PGBD5: variants seen among roughly 807,000 people sequenced by gnomAD.
PGBD5 encodes the protein piggyBac transposable element derived 5, also known as piggyBac transposable element-derived protein 5.
A neutral mutation model predicts 47.9 loss-of-function variants in PGBD5; 14 were observed. The ratio of observed to expected loss-of-function variants is 0.29; its 90% CI spans 0.19 to 0.46. The LOEUF is 0.46. Ranked by LOEUF, PGBD5 falls within the 20% of genes least tolerant of loss-of-function variation. PGBD5 has a pLI of 1.00. For synonymous variants in PGBD5, 316 were observed against 306.3 expected (o/e 1.03, Z -0.33); for missense variants, 635 against 716.0 (o/e 0.89, Z 1.29).
chr1:230,350,622 C>T (rs544773534), intron 3 of PGBD5, among the ~76,000 whole-genome samples: 15 of 152,314 alleles, frequency 9.8e-5, no homozygotes, highest in African/African-American at 3.6e-4. Context: ...ATGGTAGAAA[C>T]CTCGTATGAC....
At chr1:230,330,982 C>T (rs534050631) in intron 5 of PGBD5, among the ~76,000 whole-genome samples, 1 of 152,286 alleles carries the variant, frequency 6.6e-6, no homozygotes, top group South Asian at 2.1e-4. Flanking sequence ...AGCCTTTTAA[C>T]ATTTGTCATC....
intron 1 of PGBD5, among the ~76,000 whole-genome samples, chr1:230,393,741 C>T (rs531970594): frequency 1.3e-5 from 2 of 148,762 alleles, no homozygotes; most frequent in East Asian, 4.1e-4. Flanking sequence ...AGGAGAATGG[C>T]GTGAACCCGG....
intron 1 of PGBD5, among the ~76,000 whole-genome samples, chr1:230,395,141 C>T (rs1199423936): frequency 7.6e-5 from 4 of 52,446 alleles, no homozygotes; most frequent in Non-Finnish European, 1.2e-4. Context: ...TCCCCATCCC[C>T]GAGCTCCTCT....
chr1:230,362,338 C>T (rs370305445), intron 1 of PGBD5: 1,047 of 1,367,538 alleles, frequency 7.7e-4, no homozygotes, highest in East Asian at 8.6e-4. Flanking sequence ...ATAGGGCGGC[C>T]GAGGCGTCGA....
chr1:230,399,356 C>T (rs772745548), intron 1 of PGBD5, among the ~76,000 whole-genome samples: 4 of 152,132 alleles, frequency 2.6e-5, no homozygotes, highest in Non-Finnish European at 5.9e-5. Context: ...TCAGGGAGTC[C>T]GTTCTCCCAC....
chr1:230,379,859 T>C (rs1207796874), intron 1 of PGBD5, among the ~76,000 whole-genome samples: 2 of 152,238 alleles, frequency 1.3e-5, no homozygotes, highest in Admixed American at 6.5e-5. Context: ...TGAAATCTTA[T>C]CATCATCCCC....
intron 1 of PGBD5, among the ~76,000 whole-genome samples, chr1:230,378,118 G>T (rs541390695): frequency 6.6e-6 from 1 of 152,360 alleles, no homozygotes; most frequent in African/African-American, 2.4e-5. Context: ...AGCAGCAGAA[G>T]TTATTCTGGG....
chr1:230,330,283 G>A (rs762606722), intron 5 of PGBD5, among the ~76,000 whole-genome samples: 3 of 152,224 alleles, frequency 2.0e-5, no homozygotes, highest in Non-Finnish European at 4.4e-5. Context: ...TGCGATGGTA[G>A]AGAAGTACAG....
At chr1:230,417,323 C>T (rs1352543534) in intron 1 of PGBD5, among the ~76,000 whole-genome samples, 1 of 152,150 alleles carries the variant, frequency 6.6e-6, no homozygotes, top group Non-Finnish European at 1.5e-5. Flanking sequence ...GGATTCTGCC[C>T]TAAGTACTCA....
chr1:230,361,675 A>C (rs1667744118), intron 1 of PGBD5, among the ~76,000 whole-genome samples: 1 of 152,224 alleles, frequency 6.6e-6, no homozygotes, highest in African/African-American at 2.4e-5. Context: ...TTGTAACACA[A>C]GGGCAATTAT....
At chr1:230,415,196 GC>G (rs1657488193) in intron 1 of PGBD5, among the ~76,000 whole-genome samples, 1 of 151,894 alleles carries the variant, frequency 6.6e-6, no homozygotes, top group Admixed American at 6.6e-5. Context: ...GACTGCTTGA[GC>G]CCAGGAGTTC....
intron 1 of PGBD5, among the ~76,000 whole-genome samples, chr1:230,389,286 C>T (rs71654321): frequency 0.017 from 2,646 of 152,070 alleles, 40 homozygotes; most frequent in Non-Finnish European, 0.027. Flanking sequence ...GATTCTCCTG[C>T]CTCAGCCTCC....
rs1027576410 is a variant in PGBD5 at position 230,425,491 on chromosome 1, A to G, written c.331+107T>C. On this transcript the variant is annotated intron_variant, in intron 1 of 6. Coordinates refer to ENST00000391860, the MANE Select transcript of PGBD5 (RefSeq NM_001258311.2). The surrounding 1 kb of genome is among the most constrained non-coding windows in gnomAD (Gnocchi z 4.7). ...CTCATTTGTTTCCGGAGAGACACCC[A>G]CAAGCCAGCCCACGGAGAGTCTGGA... 9 of 875,290 alleles carry G rather than the reference A, an allele frequency of 1.0e-5. No individual in the cohort carries two copies. In the African/African-American group the frequency reaches 1.6e-4, roughly 15 times the overall value. The allele number at this position is 875,290 out of a possible 1,614,324, so 54.2% of individuals were successfully genotyped here.
chr1:230,412,402 T>C (rs1232133837), intron 1 of PGBD5, among the ~76,000 whole-genome samples: 1 of 150,936 alleles, frequency 6.6e-6, no homozygotes, highest in African/African-American at 2.4e-5. Flanking sequence ...TTTTTTTTTT[T>C]TTTTGAGACA....
intron 2 of PGBD5, among the ~76,000 whole-genome samples, chr1:230,355,815 T>C (rs1239571826): frequency 2.0e-5 from 3 of 152,026 alleles, no homozygotes; most frequent in Non-Finnish European, 2.9e-5. Flanking sequence ...CTGCAAACAC[T>C]TGGAAATCAT....
intron 5 of PGBD5, among the ~76,000 whole-genome samples, chr1:230,332,577 G>A (rs1011646365): frequency 1.3e-5 from 2 of 152,200 alleles, no homozygotes; most frequent in Non-Finnish European, 2.9e-5. Flanking sequence ...ACCCCGTGGT[G>A]GCTTGAGCCA....
intron 6 of PGBD5, 135 bp downstream of exon 6, chr1:230,325,175 G>T: frequency 1.4e-6 from 1 of 692,892 alleles, no homozygotes; most frequent in South Asian, 1.8e-5. Context: ...CAGGCTGAGG[G>T]CAGGATCTTA....
chr1:230,400,794 G>GCA (rs1230521594), intron 1 of PGBD5, among the ~76,000 whole-genome samples: 1 of 152,238 alleles, frequency 6.6e-6, no homozygotes, highest in Non-Finnish European at 1.5e-5. Flanking sequence ...TGTGCTGACT[G>GCA]CACTTGTGAA....
At chr1:230,389,174 CT>C (rs5781582) in intron 1 of PGBD5, among the ~76,000 whole-genome samples, 50,431 of 142,538 alleles carry the variant, frequency 0.35, 8,662 homozygotes, top group Non-Finnish European at 0.42. Flanking sequence ...CATTTTCTTT[CT>C]TTTTTTTTTT....
Sources: gnomAD v4.1 joint callset for allele counts (sites outside exome capture counted in the v4.1 genomes callset) on GRCh38, gnomAD v4.1.1 for gene constraint, Gnocchi (gnomAD v3.1) non-coding constraint, MANE v1.5 for transcripts, NCBI Gene and HGNC (gene_info 2026-07-23, HGNC 2026-07-21) for gene names.